ST8SIA6: variants seen among roughly 807,000 people sequenced by gnomAD.
ST8SIA6 encodes the protein ST8 alpha-N-acetyl-neuraminide alpha-2,8-sialyltransferase 6.
In ST8SIA6, 39 loss-of-function variants were observed where a neutral mutation model predicts 33.6. The observed-to-expected ratio is 1.16, with a 90% CI of 0.90 to 1.52. The LOEUF (loss-of-function observed/expected upper bound fraction) is 1.52, where lower values mean the gene tolerates loss of function less well. Among genes scored for constraint, ST8SIA6 ranks in the 40% most tolerant of loss-of-function variants. The probability of loss-of-function intolerance (pLI) is 0.00; values close to 1 mark genes in which losing one functional copy is unlikely to be tolerated. For synonymous variants in ST8SIA6, 172 were observed against 167.2 expected, an observed-to-expected ratio of 1.03 and a Z score of -0.22; for missense variants, 441 against 443.8, an observed-to-expected ratio of 0.99 and a Z score of 0.06.
In ST8SIA6 at chr10:17,319,777, G is replaced by T. The variant is rs993239541; in HGVS notation, c.*1101C>A. 1 of 152,052 alleles carries T rather than the reference G, an allele frequency of 6.6e-6. No individual in the cohort carries two copies. The highest frequency in any genetic ancestry group is 2.4e-5 in the African/African-American group (1 of 41,416). 9.4% of individuals were successfully genotyped at this position (152,052 alleles called of 1,614,324 possible). On this transcript the variant is annotated 3_prime_UTR_variant, in exon 8 of 8. Coordinates refer to ENST00000377602, the MANE Select transcript of ST8SIA6 (RefSeq NM_001004470.3). ...ATATTTAATTATTTCAGTATATTTTGTTACTTTTACTAATCAATTACATAT... is the reference window on the plus strand; with the variant it reads ...ATATTTAATTATTTCAGTATATTTTTTTACTTTTACTAATCAATTACATAT...
chr10:17,394,896 G>A (rs1213014929), intron 2 of ST8SIA6, among the ~76,000 whole-genome samples: 2 of 152,148 alleles, frequency 1.3e-5, no homozygotes, highest in African/African-American at 4.8e-5. Flanking sequence ...CTCTAAACCA[G>A]GAACAACATC....
intron 2 of ST8SIA6, among the ~76,000 whole-genome samples, chr10:17,431,649 G>A (rs1203941742): frequency 6.6e-6 from 1 of 151,894 alleles, no homozygotes; most frequent in Non-Finnish European, 1.5e-5. Flanking sequence ...AAGGCGTCCT[G>A]GGTTCAAGTC....
chr10:17,440,852 T>C (rs544338154), intron 2 of ST8SIA6, among the ~76,000 whole-genome samples: 2 of 152,336 alleles, frequency 1.3e-5, no homozygotes, highest in South Asian at 2.1e-4. Flanking sequence ...ATTTCCCTAA[T>C]GATTAATGAT....
At position 17,381,432 on chromosome 10, in the gene ST8SIA6, T is replaced by C. The variant is rs533096686; in HGVS notation, c.290+9099A>G. Among the ~76,000 whole-genome samples, 8 of 152,120 alleles carry C rather than the reference T, an allele frequency of 5.3e-5. No individual in the cohort carries two copies. In the East Asian group the frequency reaches 1.4e-3, roughly 26 times the overall value. The stretch of plus-strand genomic sequence containing the variant: ...ATGTTTTTAGGTGTTGTGTACACAA[T>C]GTTTCACTAGTAAAAATACACAAAA... On this transcript the variant is annotated intron_variant, in intron 3 of 7. Coordinates refer to ENST00000377602, the MANE Select transcript of ST8SIA6 (RefSeq NM_001004470.3).
At chr10:17,324,991 A>G (rs1180997705) in intron 6 of ST8SIA6, among the ~76,000 whole-genome samples, 2 of 144,498 alleles carry the variant, frequency 1.4e-5, no homozygotes, top group African/African-American at 5.0e-5. Flanking sequence ...TAATATGTAT[A>G]CATATTATAA....
In ST8SIA6 at chr10:17,321,346, T is replaced by C. The variant is rs1847942562; in HGVS notation, c.729A>G (p.Lys243=). The change falls in exon 8 of 8, where the codon AAA becomes AAG. Residue 243 remains lysine, a splice_region_variant and synonymous_variant. Transcript: ENST00000377602. The stretch of plus-strand genomic sequence containing the variant: ...CTTTTTTTTCCTTTAAGTTCCCATA[T>C]CTGCCAAATTAAAAAAAAATTATAG... The part of the protein sequence containing the change: ...VTINPSIITL[K]YGNLKEKKAL... 1.3e-6 allele frequency: 2 copies of C among 1,580,170 alleles called. No homozygotes were observed. The highest frequency in any genetic ancestry group is 2.0e-5 in the Admixed American group (1 of 49,534).
intron 3 of ST8SIA6, among the ~76,000 whole-genome samples, chr10:17,374,523 GAGC>G (rs1849835824): frequency 6.6e-6 from 1 of 151,750 alleles, no homozygotes; most frequent in African/African-American, 2.4e-5. Flanking sequence ...AGGAGTTCGA[GAGC>G]AGCCTGGCCA....
At chr10:17,429,279 A>G (rs556227427) in intron 2 of ST8SIA6, among the ~76,000 whole-genome samples, 65 of 148,342 alleles carry the variant, frequency 4.4e-4, no homozygotes, top group Non-Finnish European at 7.8e-4. Context: ...ACCCCCACAT[A>G]CTCCTCAGTA....
At chr10:17,432,623 T>C (rs1229378849) in intron 2 of ST8SIA6, among the ~76,000 whole-genome samples, 1 of 152,154 alleles carries the variant, frequency 6.6e-6, no homozygotes, top group Non-Finnish European at 1.5e-5. Context: ...TGACACCAAA[T>C]TGGTGTCTGA....
chr10:17,377,876 G>GTGC (rs1280934739), intron 3 of ST8SIA6, among the ~76,000 whole-genome samples: 53 of 152,104 alleles, frequency 3.5e-4, no homozygotes, highest in Non-Finnish European at 2.9e-4. Flanking sequence ...TTTCCCCGTT[G>GTGC]TGCTCCCTAA....
rs1847924602 is a variant in ST8SIA6 at position 17,321,043 on chromosome 10, C to T, written c.1032G>A (p.Trp344Ter). The change falls in exon 8 of 8, where the codon TGG becomes TGA. Residue 344 changes from tryptophan to a stop codon, truncating the protein, a stop_gained. Coordinates refer to ENST00000377602, the MANE Select transcript of ST8SIA6 (RefSeq NM_001004470.3). LOFTEE classifies it high-confidence loss of function. ...LCKNVKLYGF[W>*]PFSKTVEDIP... ...TGTCTTCTACAGTTTTAGAGAAGGGCCAGAATCCATACAGCTTCACATTTT... is the reference window on the plus strand; with the variant it reads ...TGTCTTCTACAGTTTTAGAGAAGGGTCAGAATCCATACAGCTTCACATTTT... 5.0e-6 allele frequency: 8 copies of T among 1,613,966 alleles called. No individual in the cohort carries two copies. The highest frequency in any genetic ancestry group is 6.8e-6 in the Non-Finnish European group (8 of 1,179,960).
chr10:17,453,618 G>C lies in ST8SIA6; in HGVS notation c.141C>G (p.Thr47=). 7.5e-7 allele frequency: 1 copy of C among 1,327,114 alleles called. No individual in the cohort carries two copies. Among genetic ancestry groups the C allele is most frequent in the Non-Finnish European group, 9.7e-7 (1 of 1,031,118 alleles). 82.2% of individuals were successfully genotyped at this position (1,327,114 alleles called of 1,614,324 possible). The change falls in exon 2 of 8, where the codon ACC becomes ACG. Residue 47 remains threonine, a synonymous_variant. Transcript: ENST00000377602. ...VEESREATHG[T]PAALRTLRSP... The stretch of plus-strand genomic sequence containing the variant: ...TCCGGAGCGTCCTCAGCGCTGCGGG[G>C]GTGCCGTGGGTGGCCTCCCTGCTTT...
At chr10:17,345,204 C>T (rs1473981617) in intron 4 of ST8SIA6, among the ~76,000 whole-genome samples, 2 of 152,222 alleles carry the variant, frequency 1.3e-5, no homozygotes, top group African/African-American at 4.8e-5. Flanking sequence ...CCCACTTCCT[C>T]TTGTGACAAC....
intron 2 of ST8SIA6, among the ~76,000 whole-genome samples, chr10:17,435,154 C>A (rs1852213409): frequency 6.6e-6 from 1 of 152,196 alleles, no homozygotes; most frequent in African/African-American, 2.4e-5. Flanking sequence ...ACTTCGTAAT[C>A]TGAAGAGATT....
intron 2 of ST8SIA6, among the ~76,000 whole-genome samples, chr10:17,417,361 A>G (rs1422661218): frequency 6.6e-6 from 1 of 152,074 alleles, no homozygotes. Flanking sequence ...ATCACCCTCC[A>G]TGATCCATTC....
At chr10:17,322,169 C>T (rs11254527) in intron 7 of ST8SIA6, among the ~76,000 whole-genome samples, 14 of 114,362 alleles carry the variant, frequency 1.2e-4, no homozygotes, top group African/African-American at 3.4e-4. Context: ...GAGAGAAAGA[C>T]GGAAGAAAGA....
chr10:17,357,561 G>T (rs1849239929), intron 4 of ST8SIA6, among the ~76,000 whole-genome samples: 1 of 152,134 alleles, frequency 6.6e-6, no homozygotes, highest in Non-Finnish European at 1.5e-5. Flanking sequence ...GCCAAATTTT[G>T]CTTTTGTATT....
chr10:17,429,603 C>T (rs1852040511), intron 2 of ST8SIA6, among the ~76,000 whole-genome samples: 1 of 152,072 alleles, frequency 6.6e-6, no homozygotes, highest in Admixed American at 6.5e-5. Context: ...TCACCTCACC[C>T]TCCTGAGAAT....
Position 17,321,574 on chromosome 10 carries a change from T to G in ST8SIA6, c.729-228A>C, listed in dbSNP as rs185606234. Among the ~76,000 whole-genome samples, 291 of 152,288 alleles carry G rather than the reference T, an allele frequency of 1.9e-3. 1 individual carries two copies. The highest frequency in any genetic ancestry group is 6.7e-3 in the African/African-American group (279 of 41,558). On this transcript the variant is annotated intron_variant, in intron 7 of 7. Coordinates refer to ENST00000377602, the MANE Select transcript of ST8SIA6 (RefSeq NM_001004470.3). ...TCTTGGAATCCTTTCAATTTCTACTTTCTTACTGGGCTATAGCCTTAATGA... is the reference window on the plus strand; with the variant it reads ...TCTTGGAATCCTTTCAATTTCTACTGTCTTACTGGGCTATAGCCTTAATGA...
Sources: gnomAD v4.1 joint callset for allele counts (sites outside exome capture counted in the v4.1 genomes callset) on GRCh38, gnomAD v4.1.1 for gene constraint, MANE v1.5 for transcripts, NCBI Gene and HGNC (gene_info 2026-07-23, HGNC 2026-07-21) for gene names.